The following TYW1 variants were observed in gnomAD, a reference collection of about 807,000 sequenced individuals.
TYW1 encodes the protein S-adenosyl-L-methionine-dependent tRNA 4-demethylwyosine synthase TYW1.
A neutral mutation model predicts 96.2 loss-of-function variants in TYW1; 46 were observed. That is an observed-to-expected ratio of 0.48 (90% CI 0.38 to 0.61). The LOEUF (loss-of-function observed/expected upper bound fraction) is 0.61. Among genes scored for constraint, TYW1 ranks in the 20% least tolerant of loss-of-function variants. The pLI, the probability that TYW1 is intolerant of heterozygous loss-of-function variation, is 0.00. For synonymous variants in TYW1, 274 were observed against 323.0 expected (o/e 0.85, Z 1.63); for missense variants, 684 against 909.6 (o/e 0.75, Z 3.19).
At position 67,098,678 on chromosome 7, in the gene TYW1, A is replaced by G. The variant is rs1199672598; in HGVS notation, c.1522A>G (p.Ser508Gly). Reference sequence around the variant, plus strand: ...GCTACTCCACCAGTGTAAAATTTCCAGCTTCCTGGTCACAAACGCACAATT... The same window carrying G: ...GCTACTCCACCAGTGTAAAATTTCCGGCTTCCTGGTCACAAACGCACAATT... Reference protein sequence around the residue: ...LKLLHQCKISSFLVTNAQFPA... With the variant: ...LKLLHQCKISGFLVTNAQFPA... The change falls in exon 12 of 16, where the codon AGC becomes GGC. Residue 508 changes from serine (S) to glycine (G), a missense_variant. Coordinates refer to ENST00000359626, the MANE Select transcript of TYW1 (RefSeq NM_018264.4). 1.2e-6 allele frequency: 2 copies of G among 1,614,160 alleles called. No individual in the cohort carries two copies. The highest frequency in any genetic ancestry group is 2.2e-5 in the South Asian group (2 of 91,078).
chr7:67,030,137 A>G (rs112106473), intron 7 of TYW1, among the ~76,000 whole-genome samples: 2,355 of 152,248 alleles, frequency 0.015, 58 homozygotes, highest in African/African-American at 0.053. Flanking sequence ...CCCATCATGC[A>G]AGCAAGATTG....
In TYW1 at chr7:67,117,488, T is replaced by A; in HGVS notation, c.1568T>A (p.Leu523His). ...NAQFPAEIRN[L>H]EPVTQLYVSV... ...TTAAAAAAAATATTACTAAGGAACC[T>A]CGAGCCGGTTACTCAGCTGTATGTC... Residue 523 changes from leucine (L) to histidine (H), a missense_variant, in exon 13 of 16, where the codon CTC (leucine) becomes CAC (histidine). Leu to His is a moderately conservative substitution (Grantham distance 99, BLOSUM62 -3). Coordinates refer to ENST00000359626, the MANE Select transcript of TYW1 (RefSeq NM_018264.4). 2 of 1,600,902 alleles carry A rather than the reference T, an allele frequency of 1.2e-6. No individual in the cohort carries two copies. Among genetic ancestry groups the A allele is most frequent in the Non-Finnish European group, 1.7e-6 (2 of 1,176,794 alleles).
chr7:67,004,074 AC>A (rs1161972123), intron 3 of TYW1, among the ~76,000 whole-genome samples: 4 of 152,010 alleles, frequency 2.6e-5, no homozygotes, highest in South Asian at 2.1e-4. Flanking sequence ...AACAAAAAAA[AC>A]AATCTAAGTG....
chr7:67,066,072 C>T (rs1340399114), intron 9 of TYW1, among the ~76,000 whole-genome samples: 2 of 151,972 alleles, frequency 1.3e-5, no homozygotes, highest in African/African-American at 4.8e-5. Flanking sequence ...TCATTCGTGT[C>T]TCTGCTTTCC....
At chr7:67,082,356 G>A (rs912721529) in intron 10 of TYW1, among the ~76,000 whole-genome samples, 4 of 152,170 alleles carry the variant, frequency 2.6e-5, no homozygotes, top group African/African-American at 4.8e-5. Flanking sequence ...GTACAGTAGT[G>A]TAGTAGTATA....
intron 10 of TYW1, among the ~76,000 whole-genome samples, chr7:67,071,420 A>T (rs1378464240): frequency 2.0e-5 from 3 of 148,652 alleles, no homozygotes; most frequent in Admixed American, 6.7e-5. Context: ...CAGTCTTTGC[A>T]GATTGACTCT....
chr7:67,018,202 C>G (rs572685364), intron 6 of TYW1, 59 bp downstream of exon 6: 1 of 1,565,352 alleles, frequency 6.4e-7, no homozygotes, highest in Non-Finnish European at 8.7e-7. Flanking sequence ...AGATCTCGAG[C>G]TTGACCTCTT....
intron 14 of TYW1, among the ~76,000 whole-genome samples, chr7:67,193,868 G>C (rs1438087359): frequency 6.6e-6 from 1 of 151,770 alleles, no homozygotes; most frequent in African/African-American, 2.4e-5. Context: ...GTGTGTGTGT[G>C]TGTGAGTGAA....
chr7:67,205,321 G>C (rs6943439), intron 15 of TYW1, among the ~76,000 whole-genome samples: 37,912 of 151,344 alleles, frequency 0.25, 4,568 homozygotes, highest in African/African-American at 0.31. Context: ...CCATTCTGAT[G>C]AGGAAGGGAG....
chr7:67,076,350 T>A (rs1796203006), intron 10 of TYW1, among the ~76,000 whole-genome samples: 1 of 152,210 alleles, frequency 6.6e-6, no homozygotes, highest in Admixed American at 6.5e-5. Flanking sequence ...CTGAGAAAAT[T>A]AAATTTATGT....
At chr7:67,205,648 T>G (rs1264341984) in intron 15 of TYW1, among the ~76,000 whole-genome samples, 2 of 152,012 alleles carry the variant, frequency 1.3e-5, no homozygotes, top group Non-Finnish European at 2.9e-5. Flanking sequence ...AAGGTGGGAA[T>G]CTAGGTTCCC....
intron 13 of TYW1, among the ~76,000 whole-genome samples, chr7:67,174,745 T>C (rs1799618004): frequency 6.6e-6 from 1 of 150,802 alleles, no homozygotes; most frequent in African/African-American, 2.4e-5. Context: ...TCAAAAAATC[T>C]TACAAAACTG....
chr7:67,055,703 T>G, intron 8 of TYW1, 132 bp from the exon 9 acceptor site: 1 of 561,218 alleles, frequency 1.8e-6, no homozygotes, highest in South Asian at 3.1e-5. Context: ...ATCTTTAATG[T>G]TTCCTGCCAT....
chr7:67,138,929 A>G (rs1353575294), intron 13 of TYW1, among the ~76,000 whole-genome samples: 4 of 151,552 alleles, frequency 2.6e-5, no homozygotes, highest in Admixed American at 2.6e-4. Flanking sequence ...CTAGTGTTGC[A>G]ATAAACATGG....
intron 15 of TYW1, among the ~76,000 whole-genome samples, chr7:67,202,504 C>G (rs923237784): frequency 1.3e-5 from 2 of 152,140 alleles, no homozygotes; most frequent in South Asian, 2.1e-4. Flanking sequence ...TCCAGCAGTC[C>G]TCCTGCTTAA....
chr7:67,209,061 G>T (rs1800909890), intron 15 of TYW1, among the ~76,000 whole-genome samples: 1 of 152,226 alleles, frequency 6.6e-6, no homozygotes, highest in African/African-American at 2.4e-5. Flanking sequence ...GCTACTTAGT[G>T]GCTAGGATAG....
intron 12 of TYW1, among the ~76,000 whole-genome samples, chr7:67,102,841 C>T (rs566729667): frequency 1.3e-5 from 2 of 151,372 alleles, no homozygotes; most frequent in Non-Finnish European, 2.9e-5. Flanking sequence ...TTAGTAGAGA[C>T]GGGTTTCACC....
chr7:67,213,370 G>A (rs1204423890), intron 15 of TYW1, among the ~76,000 whole-genome samples: 2 of 152,134 alleles, frequency 1.3e-5, no homozygotes, highest in Non-Finnish European at 2.9e-5. Context: ...TTGTTGCCTA[G>A]GCTGGTAGTT....
chr7:67,186,436 T>C (rs1800027649), intron 14 of TYW1, among the ~76,000 whole-genome samples: 1 of 152,184 alleles, frequency 6.6e-6, no homozygotes, highest in Non-Finnish European at 1.5e-5. Context: ...TTCACCAAAC[T>C]ATGAACATCA....
Sources: allele counts gnomAD v4.1 joint callset (sites outside exome capture counted in the v4.1 genomes callset), GRCh38; gene constraint gnomAD v4.1.1; transcripts MANE v1.5; gene names NCBI Gene and HGNC (gene_info 2026-07-23, HGNC 2026-07-21).